SDC4: variants seen among roughly 807,000 people sequenced by gnomAD.
The protein encoded by SDC4 is syndecan 4, also known as syndecan-4.
SDC4 carries 17 observed loss-of-function variants against 20.5 expected under a neutral mutation model. The ratio of observed to expected loss-of-function variants is 0.83; its 90% CI spans 0.57 to 1.25. The LOEUF (loss-of-function observed/expected upper bound fraction) is 1.25. SDC4 is among the 50% of genes most tolerant of loss of function. The probability of loss-of-function intolerance (pLI) is 0.00; values close to 1 mark genes in which losing one functional copy is unlikely to be tolerated. For synonymous variants in SDC4, 107 were observed against 105.3 expected (o/e 1.02, Z -0.10); for missense variants, 241 against 252.3 (o/e 0.96, Z 0.30).
intron 1 of SDC4, among the ~76,000 whole-genome samples, chr20:45,338,301 G>A (rs780063687): frequency 1.3e-5 from 2 of 152,150 alleles, no homozygotes; most frequent in Non-Finnish European, 1.5e-5. Flanking sequence ...ATAAACACAC[G>A]CATGAACACA....
chr20:45,335,837 T>A lies in SDC4; in HGVS notation c.144A>T (p.Val48=), dbSNP rs1477498324. 1 of 1,613,866 alleles carries A rather than the reference T, an allele frequency of 6.2e-7. No individual in the cohort carries two copies. Among genetic ancestry groups the A allele is most frequent in the Non-Finnish European group, 8.5e-7 (1 of 1,179,874 alleles). The change falls in exon 2 of 5, where the codon GTA becomes GTT. Residue 48 remains valine (V), a synonymous_variant. Transcript: ENST00000372733. The part of the protein sequence containing the change: ...FSGALPDDED[V]VGPGQESDDF... ...CATCAGATTCCTGCCCGGGCCCCAC[T>A]ACATCCTCATCGTCTGGTAGGGCTC...
intron 1 of SDC4, 30 bp from the exon 2 acceptor site, chr20:45,335,950 A>G (rs1386124930): frequency 6.2e-7 from 1 of 1,602,996 alleles, no homozygotes; most frequent in East Asian, 2.2e-5. Context: ...CACATCAGCC[A>G]ACATCCCCAG....
At chr20:45,341,092 T>G (rs1246032398) in intron 1 of SDC4, among the ~76,000 whole-genome samples, 1 of 152,012 alleles carries the variant, frequency 6.6e-6, no homozygotes, top group East Asian at 1.9e-4. Flanking sequence ...CCTTGCAGGG[T>G]GATGAGGATT....
chr20:45,344,454 G>A (rs144180417), intron 1 of SDC4, among the ~76,000 whole-genome samples: 147 of 152,282 alleles, frequency 9.7e-4, no homozygotes, highest in African/African-American at 3.3e-3. Flanking sequence ...CACAGCGCTC[G>A]GTCCAGCCCC....
intron 1 of SDC4, among the ~76,000 whole-genome samples, chr20:45,338,422 C>A (rs1987905772): frequency 6.6e-6 from 1 of 152,180 alleles, no homozygotes. Context: ...CAGCTGTTGA[C>A]CAGGTCAAAG....
intron 3 of SDC4, among the ~76,000 whole-genome samples, chr20:45,330,829 A>G (rs886631276): frequency 6.6e-6 from 1 of 152,172 alleles, no homozygotes; most frequent in African/African-American, 2.4e-5. Context: ...ACTGCTGGCC[A>G]CTGGTTATTC....
intron 4 of SDC4, 84 bp from the exon 5 acceptor site, chr20:45,327,499 T>C: frequency 7.0e-7 from 1 of 1,436,606 alleles, no homozygotes; most frequent in Non-Finnish European, 9.4e-7. Context: ...CCACTGTCAG[T>C]TCTCTTACAA....
At position 45,330,547 on chromosome 20, in the gene SDC4, A is replaced by G. The variant is rs2145708183; in HGVS notation, c.264T>C (p.His88=). 6.2e-7 allele frequency: 1 copy of G among 1,614,068 alleles called. No individual in the cohort carries two copies. Among genetic ancestry groups the G allele is most frequent in the Non-Finnish European group, 8.5e-7 (1 of 1,179,986 alleles). The part of the protein sequence containing the change: ...VVHPLVPLDN[H]IPERAGSGSQ... Reference sequence around the variant, plus strand: ...TCCCAGACCCTGCCCTCTCAGGGATATGGTTATCTAGAGGCACCTGGATGG... The same window carrying G: ...TCCCAGACCCTGCCCTCTCAGGGATGTGGTTATCTAGAGGCACCTGGATGG... Residue 88 remains histidine, a synonymous_variant, in exon 4 of 5, where the codon CAT becomes CAC. Transcript: ENST00000372733.
rs1987803854 is a variant in SDC4, at chr20:45,333,071, T to C, written c.200-2A>G. 6.2e-7 allele frequency: 1 copy of C among 1,614,072 alleles called. No individual in the cohort carries two copies. The highest frequency in any genetic ancestry group is 1.7e-5 in the Admixed American group (1 of 60,014). ...CGATCATGGAGTCTTCCAAGTCATCTGTAAGGTCAGAATAGCTGTGTGAGT... is the reference window on the plus strand; with the variant it reads ...CGATCATGGAGTCTTCCAAGTCATCCGTAAGGTCAGAATAGCTGTGTGAGT... On this transcript the variant is annotated splice_acceptor_variant, in intron 2 of 4. Transcript: ENST00000372733. LOFTEE classifies it high-confidence loss of function.
intron 2 of SDC4, 118 bp from the exon 3 acceptor site, chr20:45,333,187 A>T: frequency 1.1e-6 from 1 of 924,554 alleles, no homozygotes; most frequent in Non-Finnish European, 1.8e-6. Flanking sequence ...AATGTCCAGC[A>T]AGCGAGCTTC....
intron 3 of SDC4, among the ~76,000 whole-genome samples, chr20:45,330,959 T>G (rs888051830): frequency 2.0e-5 from 3 of 152,238 alleles, no homozygotes; most frequent in African/African-American, 7.2e-5. Flanking sequence ...GTGTAAAAGA[T>G]GCTTGCTGCA....
intron 1 of SDC4, among the ~76,000 whole-genome samples, chr20:45,341,738 G>A (rs1251849926): frequency 1.3e-5 from 2 of 152,022 alleles, no homozygotes; most frequent in African/African-American, 4.8e-5. Flanking sequence ...GGCACTGCCT[G>A]CAACCAGCTT....
chr20:45,345,591 GA>G (rs1246787356), intron 1 of SDC4: 1 of 152,252 alleles, frequency 6.6e-6, no homozygotes, highest in African/African-American at 2.4e-5. Context: ...TCAAGAAGAG[GA>G]CGCTGTAGAA....
chr20:45,327,389 T>TGCCCACGATGCC lies in SDC4; in HGVS notation c.460_471dup (p.Gly154_Gly157dup). 1 of 1,613,976 alleles carries TGCCCACGATGCC rather than the reference T, an allele frequency of 6.2e-7. No homozygotes were observed. The highest frequency in any genetic ancestry group is 8.5e-7 in the Non-Finnish European group (1 of 1,179,866). On this transcript the variant is annotated inframe_insertion, in exon 5 of 5. Coordinates refer to ENST00000372733, the MANE Select transcript of SDC4 (RefSeq NM_002999.4). ...AGGATCAGGAAGACGGCAAAGAGGA[T>TGCCCACGATGCC]GCCCACGATGCCACCCACAATCAGA...
In SDC4 at chr20:45,327,014, T is replaced by G; in HGVS notation, c.*250A>C. On this transcript the variant is annotated 3_prime_UTR_variant, in exon 5 of 5. Coordinates refer to ENST00000372733, the MANE Select transcript of SDC4 (RefSeq NM_002999.4). ...ACTGGAAGTTTAAGAAGTGATCCAATCCCAGTCTTGCCTTCAGAAAGGCCA... is the reference window on the plus strand; with the variant it reads ...ACTGGAAGTTTAAGAAGTGATCCAAGCCCAGTCTTGCCTTCAGAAAGGCCA... The G allele has an allele frequency of 2.2e-6, 1 of 453,390 alleles. No individual in the cohort carries two copies. Among genetic ancestry groups the G allele is most frequent in the Non-Finnish European group, 4.0e-6 (1 of 250,392 alleles). 28.1% of individuals were successfully genotyped at this position (453,390 alleles called of 1,614,324 possible). A position where few individuals can be genotyped will look rare whatever the true frequency, so the allele number is the denominator to read the frequency against.
At chr20:45,339,505 T>G (rs1456371643) in intron 1 of SDC4, among the ~76,000 whole-genome samples, 2 of 152,202 alleles carry the variant, frequency 1.3e-5, no homozygotes, top group African/African-American at 4.8e-5. Context: ...TCCCAACATT[T>G]TGGGAGGCCA....
intron 1 of SDC4, among the ~76,000 whole-genome samples, chr20:45,342,322 C>T (rs1410853282): frequency 6.6e-6 from 1 of 152,180 alleles, no homozygotes; most frequent in Non-Finnish European, 1.5e-5. Flanking sequence ...ACGGCTCCGG[C>T]AGGGCTTCTC....
At chr20:45,327,470 G>A in intron 4 of SDC4, 55 bp from the exon 5 acceptor site, 4 of 1,558,456 alleles carry the variant, frequency 2.6e-6, no homozygotes, top group Non-Finnish European at 2.6e-6. Flanking sequence ...CAGGACCTAA[G>A]GATGAACCCC....
At chr20:45,343,450 C>T (rs976412611) in intron 1 of SDC4, among the ~76,000 whole-genome samples, 2 of 152,160 alleles carry the variant, frequency 1.3e-5, no homozygotes, top group Non-Finnish European at 2.9e-5. Flanking sequence ...TGGTCTGATA[C>T]CCTTGGCAAA....
Sources: gnomAD v4.1 joint callset for allele counts (sites outside exome capture counted in the v4.1 genomes callset) on GRCh38, gnomAD v4.1.1 for gene constraint, MANE v1.5 for transcripts, NCBI Gene and HGNC (gene_info 2026-07-23, HGNC 2026-07-21) for gene names.